SLC44A5: variants seen among roughly 807,000 people sequenced by gnomAD.
SLC44A5 encodes the protein choline transporter-like protein 5.
SLC44A5 carries 57 observed loss-of-function variants against 101.8 expected under a neutral mutation model. The observed-to-expected ratio is 0.56, with a 90% CI of 0.45 to 0.70. The LOEUF is 0.70. Among genes scored for constraint, SLC44A5 ranks in the 30% least tolerant of loss-of-function variants. The pLI is 0.00. For synonymous variants in SLC44A5, 281 were observed against 290.9 expected, an observed-to-expected ratio of 0.97 and a Z score of 0.35; for missense variants, 737 against 853.1, an observed-to-expected ratio of 0.86 and a Z score of 1.70.
chr1:75,672,219 T>G, the SLC44A5 span, among the ~76,000 whole-genome samples: 1 of 152,114 alleles, frequency 6.6e-6, no homozygotes, highest in Non-Finnish European at 1.5e-5. Context: ...CAGGCTTGAA[T>G]TGCCTATGCC....
intron 3 of SLC44A5, among the ~76,000 whole-genome samples, chr1:75,396,173 G>A (rs766651175): frequency 2.1e-4 from 32 of 152,072 alleles, no homozygotes; most frequent in Non-Finnish European, 3.5e-4. Flanking sequence ...GGAGAGAGCC[G>A]GCTGTCGGAA....
chr1:75,388,301 G>A (rs911069034), intron 3 of SLC44A5, among the ~76,000 whole-genome samples: 11 of 139,828 alleles, frequency 7.9e-5, no homozygotes, highest in Middle Eastern at 4.3e-3. Flanking sequence ...TTTTATAAGA[G>A]ACACTTAAAG....
rs878959615 is a variant in SLC44A5 at position 75,218,811 on chromosome 1, C to T, written c.1267-59G>A. ...ATTAAATATCACTCCAAGATAACAACTCCCTGTGTTTTCCTCTTCCCCTTA... is the reference window on the plus strand; with the variant it reads ...ATTAAATATCACTCCAAGATAACAATTCCCTGTGTTTTCCTCTTCCCCTTA... On this transcript the variant is annotated intron_variant, in intron 16 of 23. Coordinates refer to ENST00000370859, the MANE Select transcript of SLC44A5 (RefSeq NM_001130058.2). 14 of 1,494,732 alleles carry T rather than the reference C, an allele frequency of 9.4e-6. No individual in the cohort carries two copies. The South Asian group carries it at 1.7e-4, about 18-fold the overall frequency. 92.6% of individuals were successfully genotyped at this position (1,494,732 alleles called of 1,614,324 possible).
Position 75,565,568 on chromosome 1 carries a change from C to G in SLC44A5, c.-69-24052G>C, listed in dbSNP as rs183385328. ...TTGGCAGAACTATTCTTCTAAATGG[C>G]CATAGCCATTTCCATTTTTGCCACA... On this transcript the variant is annotated intron_variant, in intron 1 of 23. Coordinates refer to ENST00000370859, the MANE Select transcript of SLC44A5 (RefSeq NM_001130058.2). Among the ~76,000 whole-genome samples the G allele has an allele frequency of 1.9e-3, 294 of 152,270 alleles. 2 individuals carry two copies. In the Middle Eastern group the frequency reaches 0.02, roughly 11 times the overall value.
chr1:75,563,808 T>A (rs1025393641), intron 1 of SLC44A5, among the ~76,000 whole-genome samples: 4 of 152,202 alleles, frequency 2.6e-5, no homozygotes, highest in Admixed American at 6.5e-5. Context: ...TTTGACTCCA[T>A]CAGTTTTCAA....
At chr1:75,559,729 C>T (rs904337740) in intron 1 of SLC44A5, among the ~76,000 whole-genome samples, 3 of 152,026 alleles carry the variant, frequency 2.0e-5, no homozygotes, top group African/African-American at 7.2e-5. Context: ...CCAAATGATA[C>T]AATCCGAAAA....
At chr1:75,450,560 C>G (rs1025010278) in intron 2 of SLC44A5, among the ~76,000 whole-genome samples, 6 of 152,194 alleles carry the variant, frequency 3.9e-5, no homozygotes, top group East Asian at 1.9e-4. Flanking sequence ...TCCCTACCCC[C>G]CAACTGCAAT....
chr1:75,621,796 CTG>C, the SLC44A5 span, among the ~76,000 whole-genome samples: 1 of 152,022 alleles, frequency 6.6e-6, no homozygotes, highest in Non-Finnish European at 1.5e-5. Flanking sequence ...CTGTACAATT[CTG>C]TGACTGGAAA....
chr1:75,213,881 A>C, intron 21 of SLC44A5, 38 bp downstream of exon 21: 1 of 1,512,962 alleles, frequency 6.6e-7, no homozygotes, highest in Non-Finnish European at 9.0e-7. Flanking sequence ...AGCATCTTTT[A>C]AACTTTTTTT....
At chr1:75,467,705 C>G (rs150300492) in intron 2 of SLC44A5, among the ~76,000 whole-genome samples, 1 of 152,148 alleles carries the variant, frequency 6.6e-6, no homozygotes, top group African/African-American at 2.4e-5. Context: ...AGGTGTAAAT[C>G]TAAGACTTCA....
chr1:75,611,772 T>C (rs1675667124), upstream of SLC44A5, among the ~76,000 whole-genome samples: 1 of 152,158 alleles, frequency 6.6e-6, no homozygotes. Context: ...AGGCTTCCAC[T>C]TGGCAAAATC....
intron 2 of SLC44A5, among the ~76,000 whole-genome samples, chr1:75,409,060 T>C (rs1459795686): frequency 6.6e-6 from 1 of 152,180 alleles, no homozygotes; most frequent in Non-Finnish European, 1.5e-5. Flanking sequence ...TGGATGCAGC[T>C]GGAGGCCATT....
At chr1:75,536,600 C>CAAAAAAAAAAAAAAAAA (rs1192432333) in intron 2 of SLC44A5, among the ~76,000 whole-genome samples, 1 of 32,350 alleles carries the variant, frequency 3.1e-5, no homozygotes, top group Non-Finnish European at 6.2e-5. Flanking sequence ...GACTCCATCT[C>CAAAAAAAAAAAAAAAAA]AAAAAAAAAA....
chr1:75,644,047 CTG>C, the SLC44A5 span, among the ~76,000 whole-genome samples: 1 of 152,184 alleles, frequency 6.6e-6, no homozygotes, highest in Non-Finnish European at 1.5e-5. Context: ...TGTTCTGTGA[CTG>C]TGCCCATTCA....
chr1:75,309,998 G>A (rs1655181889), intron 4 of SLC44A5, among the ~76,000 whole-genome samples: 1 of 152,094 alleles, frequency 6.6e-6, no homozygotes, highest in Admixed American at 6.5e-5. Context: ...TAACAATAGG[G>A]TCATTATTAT....
intron 2 of SLC44A5, among the ~76,000 whole-genome samples, chr1:75,441,278 G>T (rs1165807241): frequency 6.6e-6 from 1 of 152,100 alleles, no homozygotes; most frequent in Non-Finnish European, 1.5e-5. Context: ...TGCCATTTAT[G>T]CAACATATTC....
At chr1:75,410,192 C>A (rs550590818) in intron 2 of SLC44A5, among the ~76,000 whole-genome samples, 1 of 151,852 alleles carries the variant, frequency 6.6e-6, no homozygotes, top group South Asian at 2.1e-4. Context: ...AAAAGATGTC[C>A]CAAAGCAGAG....
chr1:75,622,915 T>TA, the SLC44A5 span, among the ~76,000 whole-genome samples: 2 of 152,088 alleles, frequency 1.3e-5, no homozygotes, highest in Non-Finnish European at 2.9e-5. Flanking sequence ...ATCATTTGCA[T>TA]AAAAAACAAA....
chr1:75,512,638 C>G (rs555350658), intron 2 of SLC44A5, among the ~76,000 whole-genome samples: 1 of 152,206 alleles, frequency 6.6e-6, no homozygotes, highest in African/African-American at 2.4e-5. Flanking sequence ...AATATGCACA[C>G]AAGTAGATAT....
Sources: allele counts gnomAD v4.1 joint callset (sites outside exome capture counted in the v4.1 genomes callset), GRCh38; gene constraint gnomAD v4.1.1; transcripts MANE v1.5; gene names NCBI Gene and HGNC (gene_info 2026-07-23, HGNC 2026-07-21).